ZFHX3: variants seen among roughly 807,000 people sequenced by gnomAD.
ZFHX3 encodes the protein zinc finger homeobox protein 3.
ZFHX3 carries 42 observed loss-of-function variants against 279.1 expected under a neutral mutation model. The ratio of observed to expected loss-of-function variants is 0.15; its 90% confidence interval spans 0.12 to 0.19. ZFHX3 has a LOEUF of 0.19. Ranked by LOEUF, ZFHX3 falls within the 10% of genes least tolerant of loss-of-function variation. The pLI is 1.00. For missense variants in ZFHX3, 4,981 were observed against 4,754.0 expected, an observed-to-expected ratio of 1.05 and a Z score of -1.40; for synonymous variants, 2,293 against 1,957.8, an observed-to-expected ratio of 1.17 and a Z score of -4.52.
At chr16:73,554,988 C>T (rs2020253444) in intron 2 of ZFHX3, among the ~76,000 whole-genome samples, 1 of 152,148 alleles carries the variant, frequency 6.6e-6, no homozygotes, top group Admixed American at 6.5e-5. Flanking sequence ...AGCATCTTTC[C>T]CACCCAATGC....
Position 72,787,104 on chromosome 16 carries a change from T to C in ZFHX3, c.*60A>G. ...AATTGCAGTTAGTCTATTTTTGAAA[T>C]TGGTTTGTTATTAATTTTTGTATTT... On this transcript the variant is annotated 3_prime_UTR_variant, in exon 10 of 10. Coordinates refer to ENST00000268489, the MANE Select transcript of ZFHX3 (RefSeq NM_006885.4). 3.0e-6 allele frequency: 4 copies of C among 1,319,520 alleles called. No individual in the cohort carries two copies. The highest frequency in any genetic ancestry group is 3.9e-6 in the Non-Finnish European group (4 of 1,024,038). The allele number at this position is 1,319,520 out of a possible 1,614,324, so 81.7% of individuals were successfully genotyped here. A position where few individuals can be genotyped will look rare whatever the true frequency, so the allele number is the denominator to read the frequency against.
rs1597317007 is a variant in ZFHX3, at chr16:72,857,968, C to A, written c.3449-28109G>T. Among the ~76,000 whole-genome samples the A allele has an allele frequency of 3.3e-5, 5 of 152,372 alleles. No homozygotes were observed. The South Asian group carries it at 1.0e-3, about 32-fold the overall frequency. ...AGTGTGAACTACCGGAGTAAGAGAG[C>A]AAGGACCAGGGCCCGCTGCTCCTCA... On this transcript the variant is annotated intron_variant, in intron 4 of 9. Coordinates refer to ENST00000268489, the MANE Select transcript of ZFHX3 (RefSeq NM_006885.4).
At chr16:73,752,658 G>A (rs1178939925) in intron 1 of ZFHX3, among the ~76,000 whole-genome samples, 4 of 152,110 alleles carry the variant, frequency 2.6e-5, no homozygotes, top group Non-Finnish European at 5.9e-5. Context: ...GGCCACACTT[G>A]GGTCAGTCTA....
intron 4 of ZFHX3, among the ~76,000 whole-genome samples, chr16:73,273,101 C>G (rs562549259): frequency 6.6e-6 from 1 of 152,248 alleles, no homozygotes; most frequent in East Asian, 1.9e-4. Flanking sequence ...CACAATGCTT[C>G]TATTTCTCCA....
chr16:72,951,233 A>G (rs569083103), intron 2 of ZFHX3, among the ~76,000 whole-genome samples: 31 of 152,188 alleles, frequency 2.0e-4, no homozygotes, highest in Admixed American at 1.9e-3. Flanking sequence ...TAGAAAAGTT[A>G]GGAGCCATAG....
chr16:73,697,842 C>T (rs1223702722), intron 1 of ZFHX3, among the ~76,000 whole-genome samples: 2 of 151,994 alleles, frequency 1.3e-5, no homozygotes, highest in East Asian at 1.9e-4. Flanking sequence ...GGCTGGAAAA[C>T]GTATGTTTAT....
At chr16:73,408,858 A>C (rs55743874) in intron 3 of ZFHX3, among the ~76,000 whole-genome samples, 44,562 of 151,854 alleles carry the variant, frequency 0.29, 6,883 homozygotes, top group Middle Eastern at 0.44. Context: ...ATCAAATTCC[A>C]GCGAGGCAAC....
chr16:72,921,859 T>A (rs1332710809), intron 3 of ZFHX3, among the ~76,000 whole-genome samples: 1 of 152,132 alleles, frequency 6.6e-6, no homozygotes, highest in African/African-American at 2.4e-5. Flanking sequence ...CAGCAGGCAG[T>A]ACCCCAGGCA....
chr16:73,129,046 G>C (rs1420185920), intron 7 of ZFHX3, among the ~76,000 whole-genome samples: 1 of 152,008 alleles, frequency 6.6e-6, no homozygotes, highest in Non-Finnish European at 1.5e-5. Flanking sequence ...TCTTCCAAAG[G>C]GGATAACACT....
chr16:73,224,132 T>C lies in ZFHX3; in HGVS notation c.-1104+32915A>G, dbSNP rs148280186. On this transcript the variant is annotated intron_variant, in intron 5 of 17. Transcript: ENST00000641206. ...GTCACTATAAATTTGTCCAAACCCA[T>C]AGAATATACAACACCAAGAGTGAAC... Among the ~76,000 whole-genome samples, 26 of 152,278 alleles carry C rather than the reference T, an allele frequency of 1.7e-4. No homozygotes were observed. In the East Asian group the frequency reaches 4.2e-3, roughly 25 times the overall value.
At chr16:73,463,909 C>T (rs1033318192) in intron 2 of ZFHX3, among the ~76,000 whole-genome samples, 5 of 152,178 alleles carry the variant, frequency 3.3e-5, no homozygotes, top group African/African-American at 9.7e-5. Context: ...GTTCTGACTC[C>T]TTTTTTTGCT....
intron 7 of ZFHX3, among the ~76,000 whole-genome samples, chr16:73,117,363 T>G (rs990407936): frequency 2.6e-5 from 4 of 152,246 alleles, no homozygotes; most frequent in Non-Finnish European, 5.9e-5. Context: ...AATTGTATAC[T>G]AGGTCATGAA....
At chr16:73,740,537 G>GA (rs778715721) in intron 1 of ZFHX3, among the ~76,000 whole-genome samples, 122 of 151,528 alleles carry the variant, frequency 8.1e-4, no homozygotes, top group South Asian at 5.4e-3. Context: ...ATAAGAAAAA[G>GA]AAAAAAAATG....
intron 3 of ZFHX3, among the ~76,000 whole-genome samples, chr16:72,936,807 C>A (rs889081858): frequency 6.6e-6 from 1 of 152,014 alleles, no homozygotes; most frequent in Non-Finnish European, 1.5e-5. Context: ...AGTGATATGA[C>A]CTGATTTTCC....
intron 3 of ZFHX3, among the ~76,000 whole-genome samples, chr16:73,356,838 C>CT (rs779785366): frequency 0.022 from 3,137 of 141,154 alleles, 62 homozygotes; most frequent in African/African-American, 0.056. Flanking sequence ...CACCTGAGGG[C>CT]TTTTTTTTTT....
intron 2 of ZFHX3, chr16:73,486,733 C>T (rs750954158): frequency 1.5e-5 from 7 of 452,366 alleles, no homozygotes; most frequent in South Asian, 7.8e-5. Flanking sequence ...GTCTCTCTTG[C>T]TCATTTTTTT....
At chr16:73,453,478 G>A (rs956193019) in intron 3 of ZFHX3, among the ~76,000 whole-genome samples, 2 of 152,158 alleles carry the variant, frequency 1.3e-5, no homozygotes, top group African/African-American at 4.8e-5. Flanking sequence ...CATGCCGGAA[G>A]GACACTCAAG....
intron 5 of ZFHX3, among the ~76,000 whole-genome samples, chr16:72,825,212 G>A (rs1299561310): frequency 6.6e-6 from 1 of 152,166 alleles, no homozygotes; most frequent in Non-Finnish European, 1.5e-5. Flanking sequence ...TCACCATCCC[G>A]CTTTCAGACT....
At chr16:73,535,889 A>AT (rs1025802829) in intron 2 of ZFHX3, among the ~76,000 whole-genome samples, 6 of 151,446 alleles carry the variant, frequency 4.0e-5, no homozygotes, top group South Asian at 2.1e-4. Flanking sequence ...TGCCCGGCTA[A>AT]TTTTTTTTAC....
Sources: allele counts gnomAD v4.1 joint callset (sites outside exome capture counted in the v4.1 genomes callset), GRCh38; gene constraint gnomAD v4.1.1; transcripts MANE v1.5; gene names NCBI Gene and HGNC (gene_info 2026-07-23, HGNC 2026-07-21).